ZNF800: variants seen among roughly 807,000 people sequenced by gnomAD.
ZNF800 encodes the protein zinc finger protein 800.
In ZNF800, 13 loss-of-function variants were observed where a neutral mutation model predicts 59.5. The ratio of observed to expected loss-of-function variants is 0.22; its 90% CI spans 0.14 to 0.35. ZNF800 has a LOEUF of 0.35. Ranked by LOEUF, ZNF800 falls within the 10% of genes least tolerant of loss-of-function variation. The pLI, the probability that ZNF800 is intolerant of heterozygous loss-of-function variation, is 1.00. For missense variants in ZNF800, 621 were observed against 783.7 expected, an observed-to-expected ratio of 0.79 and a Z score of 2.48; for synonymous variants, 266 against 265.7, an observed-to-expected ratio of 1.00 and a Z score of -0.01.
At chr7:127,381,439 A>AAT (rs35499163) in intron 3 of ZNF800, among the ~76,000 whole-genome samples, 96,677 of 151,264 alleles carry the variant, frequency 0.64, 31,266 homozygotes, top group East Asian at 0.86. Flanking sequence ...GGGCTGGTTA[A>AAT]ATATATATAT....
At chr7:127,372,963 G>A (rs1159866484) in intron 5 of ZNF800, 8 of 984,920 alleles carry the variant, frequency 8.1e-6, no homozygotes, top group African/African-American at 1.7e-5. Flanking sequence ...TCATTAATTA[G>A]TAGACTAAGT....
chr7:127,387,917 A>AACACACACAC lies in ZNF800; in HGVS notation c.62-1772_62-1763dup, dbSNP rs141731563. Among the ~76,000 whole-genome samples, 628 of 147,818 alleles carry AACACACACAC rather than the reference A, an allele frequency of 4.2e-3. 4 individuals carry two copies. Among genetic ancestry groups the AACACACACAC allele is most frequent in the African/African-American group, 0.014 (563 of 40,026 alleles). The stretch of plus-strand genomic sequence containing the variant: ...TTAGGTGTATTTTAGATTAATTAAG[A>AACACACACAC]ACACACACACACACACACACACACA... On this transcript the variant is annotated intron_variant, in intron 2 of 5. Transcript: ENST00000265827.
intron 1 of ZNF800, among the ~76,000 whole-genome samples, chr7:127,354,015 A>G (rs751135797): frequency 2.0e-5 from 3 of 152,158 alleles, no homozygotes; most frequent in Non-Finnish European, 4.4e-5. Context: ...AGAAAATGAA[A>G]CAAACATTTG....
In ZNF800 at chr7:127,374,837, C is replaced by T. The variant is rs922070858; in HGVS notation, c.499G>A (p.Glu167Lys). 2.2e-5 allele frequency: 36 copies of T among 1,613,186 alleles called. No homozygotes were observed. The highest frequency in any genetic ancestry group is 2.9e-5 in the Non-Finnish European group (34 of 1,179,684). Residue 167 changes from glutamate (E) to lysine (K), a missense_variant, in exon 5 of 6, where the codon GAA becomes AAA. By Grantham distance (56) the Glu-to-Lys change is moderately conservative. Transcript: ENST00000265827. ...GTGCTAGTTTCCTGTATCTGAACTTCGGTTTGTTCAGGAGTACTGCTTGAC... is the reference window on the plus strand; with the variant it reads ...GTGCTAGTTTCCTGTATCTGAACTTTGGTTTGTTCAGGAGTACTGCTTGAC... The part of the protein sequence containing the change: ...TESSSTPEQT[E>K]VQIQETSTEQ...
chr7:127,387,147 T>C (rs996728716), intron 2 of ZNF800, among the ~76,000 whole-genome samples: 2 of 152,174 alleles, frequency 1.3e-5, no homozygotes, highest in East Asian at 1.9e-4. Flanking sequence ...ACTAGTAGTA[T>C]AGATACATAA....
chr7:127,390,108 T>C (rs1766119004), intron 2 of ZNF800, among the ~76,000 whole-genome samples: 1 of 152,108 alleles, frequency 6.6e-6, no homozygotes. Flanking sequence ...GAATGATCAA[T>C]AAATTTCTTC....
chr7:127,361,713 G>C (rs1800396816), intron 1 of ZNF800: 1 of 150,752 alleles, frequency 6.6e-6, no homozygotes, highest in Admixed American at 6.6e-5. Flanking sequence ...AGTGTAGATG[G>C]CTGAATAAAT....
intron 1 of ZNF800, among the ~76,000 whole-genome samples, chr7:127,349,513 T>C (rs1800132914): frequency 6.6e-6 from 1 of 152,228 alleles, no homozygotes; most frequent in African/African-American, 2.4e-5. Flanking sequence ...TATCTAATGA[T>C]GAGCAAATCC....
Position 127,374,250 on chromosome 7 carries a change from G to A in ZNF800, c.1086C>T (p.Leu362=). 1 of 1,613,946 alleles carries A rather than the reference G, an allele frequency of 6.2e-7. No homozygotes were observed. Among genetic ancestry groups the A allele is most frequent in the Non-Finnish European group, 8.5e-7 (1 of 1,179,976 alleles). ...AEYNLTACKC[L]LCKRKYSSQI... ...GTGAACTATATTTCCTCTTGCAAAG[G>A]AGGCATTTGCATGCAGTTAAATTGT... Residue 362 remains leucine (L), a synonymous_variant, in exon 5 of 6, where the codon CTC becomes CTT. Coordinates refer to ENST00000265827, the MANE Select transcript of ZNF800 (RefSeq NM_176814.5).
chr7:127,377,377 C>T lies in ZNF800; in HGVS notation c.158-48G>A. 8 of 1,518,764 alleles carry T rather than the reference C, an allele frequency of 5.3e-6. No individual in the cohort carries two copies. The highest frequency in any genetic ancestry group is 7.1e-6 in the Non-Finnish European group (8 of 1,119,256). The allele number at this position is 1,518,764 out of a possible 1,614,324, so 94.1% of individuals were successfully genotyped here. A position where few individuals can be genotyped will look rare whatever the true frequency, so the allele number is the denominator to read the frequency against. On this transcript the variant is annotated intron_variant, in intron 3 of 5. Coordinates refer to ENST00000265827, the MANE Select transcript of ZNF800 (RefSeq NM_176814.5). The surrounding 1 kb of genome is among the most constrained non-coding windows in gnomAD (Gnocchi z 4.7). ...AACTTAACACAAAAGGTAACTTTAA[C>T]ATGCACTTTTAAACTGGACAACCAC...
In ZNF800 at chr7:127,391,571, G is replaced by A. The variant is rs371776224; in HGVS notation, c.-14C>T. The A allele has an allele frequency of 5.7e-5, 92 of 1,613,558 alleles. No individual in the cohort carries two copies. Among genetic ancestry groups the A allele is most frequent in the Non-Finnish European group, 7.2e-5 (85 of 1,179,508 alleles). On this transcript the variant is annotated 5_prime_UTR_variant, in exon 2 of 6. Transcript: ENST00000265827. ...CCTTAAAGGCATTTTCAGTGGACTC[G>A]ACCTACTTTGCTTTCACTGTAAGAA...
At chr7:127,356,441 T>C (rs1207685706) in intron 1 of ZNF800, among the ~76,000 whole-genome samples, 1 of 152,058 alleles carries the variant, frequency 6.6e-6, no homozygotes, top group Non-Finnish European at 1.5e-5. Flanking sequence ...AGAAAGCATA[T>C]ATTCTAAAAT....
chr7:127,369,046 AAAAG>A (rs1800572692), downstream of ZNF800, among the ~76,000 whole-genome samples: 1 of 151,636 alleles, frequency 6.6e-6, no homozygotes. Context: ...ACCAAAAAAA[AAAAG>A]AAATGGTTGT....
chr7:127,346,160 T>A (rs1183284956), downstream of ZNF800, among the ~76,000 whole-genome samples: 1 of 152,192 alleles, frequency 6.6e-6, no homozygotes, highest in Non-Finnish European at 1.5e-5. Flanking sequence ...GAGGATCTTG[T>A]GGTGACAAGA....
At chr7:127,371,845 T>G in intron 5 of ZNF800, 31 bp from the exon 6 acceptor site, 2 of 759,418 alleles carry the variant, frequency 2.6e-6, no homozygotes, top group South Asian at 2.8e-5. Context: ...ATGAACACTT[T>G]TGAGTTTACT....
downstream of ZNF800, among the ~76,000 whole-genome samples, chr7:127,365,235 G>A (rs1158256056): frequency 6.6e-6 from 1 of 152,200 alleles, no homozygotes; most frequent in East Asian, 1.9e-4. Context: ...GCAGAAGCTA[G>A]AAGGTTCACA....
At position 127,373,959 on chromosome 7, in the gene ZNF800, T is replaced by C; in HGVS notation, c.1377A>G (p.Lys459=). 1 of 1,614,094 alleles carries C rather than the reference T, an allele frequency of 6.2e-7. No homozygotes were observed. The highest frequency in any genetic ancestry group is 8.5e-7 in the Non-Finnish European group (1 of 1,180,004). Residue 459 remains lysine (K), a synonymous_variant, in exon 5 of 6, where the codon AAA becomes AAG. Coordinates refer to ENST00000265827, the MANE Select transcript of ZNF800 (RefSeq NM_176814.5). ...NKVKQDSESP[K]STSPSAAGGQ... ...CACCTGCAGCCGACGGACTAGTTGATTTAGGGCTTTCAGAGTCTTGTTTAA... is the reference window on the plus strand; with the variant it reads ...CACCTGCAGCCGACGGACTAGTTGACTTAGGGCTTTCAGAGTCTTGTTTAA...
At chr7:127,364,637 T>C (rs1472834435) in intron 1 of ZNF800, 2 of 152,080 alleles carry the variant, frequency 1.3e-5, no homozygotes, top group Non-Finnish European at 2.9e-5. Context: ...GAAGAGGAGC[T>C]AGTGGACAGG....
At chr7:127,389,382 A>G (rs1306351823) in intron 2 of ZNF800, among the ~76,000 whole-genome samples, 1 of 152,216 alleles carries the variant, frequency 6.6e-6, no homozygotes, top group Non-Finnish European at 1.5e-5. Flanking sequence ...CTTCACTATA[A>G]ATTGACCTAT....
Sources: gnomAD v4.1 joint callset for allele counts (sites outside exome capture counted in the v4.1 genomes callset) on GRCh38, gnomAD v4.1.1 for gene constraint, Gnocchi (gnomAD v3.1) non-coding constraint, MANE v1.5 for transcripts, NCBI Gene and HGNC (gene_info 2026-07-23, HGNC 2026-07-21) for gene names.